Variants in GNA13 observed in about 807,000 individuals in gnomAD.
The protein encoded by GNA13 is guanine nucleotide-binding protein subunit alpha-13.
GNA13 carries 4 observed loss-of-function variants against 33.5 expected under a neutral mutation model. That is an observed-to-expected ratio of 0.12 (90% CI 0.06 to 0.27). The LOEUF is 0.27. Ranked by LOEUF, GNA13 falls within the 10% of genes least tolerant of loss-of-function variation. The probability of loss-of-function intolerance (pLI) is 1.00; values close to 1 mark genes in which losing one functional copy is unlikely to be tolerated. For synonymous variants in GNA13, 176 were observed against 183.8 expected, an observed-to-expected ratio of 0.96 and a Z score of 0.34; for missense variants, 319 against 487.2, an observed-to-expected ratio of 0.65 and a Z score of 3.25.
rs1052666659 is a variant in GNA13, at chr17:65,012,299, A to G, written c.*1958T>C. On this transcript the variant is annotated 3_prime_UTR_variant, in exon 4 of 4. Coordinates refer to ENST00000439174, the MANE Select transcript of GNA13 (RefSeq NM_006572.6). ...AAATGTTTTGGCCATTCAATTTGCT[A>G]AATGTATGGGTAAACTCTCCAATGA... is the stretch of plus-strand genomic sequence containing the variant. The G allele has an allele frequency of 1.3e-5, 3 of 223,538 alleles. No homozygotes were observed. Among genetic ancestry groups the G allele is most frequent in the African/African-American group, 6.7e-5 (3 of 44,848 alleles). 13.8% of individuals were successfully genotyped at this position (223,538 alleles called of 1,614,324 possible).
At position 65,009,791 on chromosome 17, in the gene GNA13, T is replaced by C. The variant is rs1443090479; in HGVS notation, c.*4466A>G. On this transcript the variant is annotated 3_prime_UTR_variant, in exon 4 of 4. Coordinates refer to ENST00000439174, the MANE Select transcript of GNA13 (RefSeq NM_006572.6). ...GCATAGTTTGTTGCACTGTTGCTTATACTGTGCAAGAATTAATCTCTACCC... is the reference window on the plus strand; with the variant it reads ...GCATAGTTTGTTGCACTGTTGCTTACACTGTGCAAGAATTAATCTCTACCC... Among the ~76,000 whole-genome samples, 4 of 152,260 alleles carry C rather than the reference T, an allele frequency of 2.6e-5. No homozygotes were observed. The highest frequency in any genetic ancestry group is 9.6e-5 in the African/African-American group (4 of 41,472).
intron 2 of GNA13, among the ~76,000 whole-genome samples, chr17:65,036,600 G>A (rs541082813): frequency 6.6e-5 from 10 of 152,354 alleles, no homozygotes; most frequent in African/African-American, 2.4e-4. Flanking sequence ...CAGCTACTCA[G>A]GAAGGTGAGG....
intron 2 of GNA13, among the ~76,000 whole-genome samples, chr17:65,022,627 G>A (rs1025726832): frequency 2.6e-5 from 4 of 152,020 alleles, no homozygotes; most frequent in Non-Finnish European, 4.4e-5. Context: ...GAAAAGCAAC[G>A]GTCATAAAAC....
intron 2 of GNA13, among the ~76,000 whole-genome samples, chr17:65,038,328 C>T (rs887187531): frequency 1.3e-5 from 2 of 151,742 alleles, no homozygotes; most frequent in African/African-American, 2.4e-5. Flanking sequence ...GCTTGAAGCT[C>T]GGAGGCGGAG....
chr17:65,039,534 T>G (rs1240031321), intron 2 of GNA13, among the ~76,000 whole-genome samples: 1 of 152,208 alleles, frequency 6.6e-6, no homozygotes, highest in Admixed American at 6.5e-5. Context: ...GATCACGTTT[T>G]CTGACCAGCA....
intron 1 of GNA13, among the ~76,000 whole-genome samples, chr17:65,054,011 A>C (rs568863686): frequency 6.6e-6 from 1 of 152,340 alleles, no homozygotes; most frequent in South Asian, 2.1e-4. Flanking sequence ...AACTTCTAGG[A>C]TAGAAGGTAG....
intron 2 of GNA13, among the ~76,000 whole-genome samples, chr17:65,027,527 T>C (rs1906837558): frequency 6.6e-6 from 1 of 152,140 alleles, no homozygotes; most frequent in African/African-American, 2.4e-5. Context: ...ATGGCATGAG[T>C]CATTTTCTAC....
intron 1 of GNA13, among the ~76,000 whole-genome samples, chr17:65,054,711 TACA>T (rs2143835178): frequency 6.6e-6 from 1 of 152,308 alleles, no homozygotes; most frequent in African/African-American, 2.4e-5. Context: ...AGATCACACT[TACA>T]ACTCAGTGTA....
At chr17:65,051,376 G>A (rs1017805993) in intron 2 of GNA13, among the ~76,000 whole-genome samples, 1 of 152,202 alleles carries the variant, frequency 6.6e-6, no homozygotes, top group African/African-American at 2.4e-5. Flanking sequence ...AGCACTTTGG[G>A]AGGGCAAGGC....
At chr17:65,026,453 A>G (rs1906788077) in intron 2 of GNA13, among the ~76,000 whole-genome samples, 1 of 152,236 alleles carries the variant, frequency 6.6e-6, no homozygotes, top group African/African-American at 2.4e-5. Flanking sequence ...AAAAACAAAA[A>G]CAAAACAGTA....
At position 65,010,986 on chromosome 17, in the gene GNA13, T is replaced by C. The variant is rs1165079746; in HGVS notation, c.*3271A>G. On this transcript the variant is annotated 3_prime_UTR_variant, in exon 4 of 4. Transcript: ENST00000439174. ...TTTAGGACATAACAGTGTAACATGG[T>C]AACTTTATTCTTCATATATAAATAA... 1.5e-5 allele frequency: 3 copies of C among 196,798 alleles called. No individual in the cohort carries two copies. The highest frequency in any genetic ancestry group is 3.2e-5 in the Non-Finnish European group (3 of 94,942). 12.2% of individuals were successfully genotyped at this position (196,798 alleles called of 1,614,324 possible).
chr17:65,033,109 T>TA lies in GNA13; in HGVS notation c.511-14807dup, dbSNP rs775193494. ...CTGGGCAACAGAGCGAGACTCCATTTAAAAAAAAAAAAAAATCACAGTACT... is the reference window on the plus strand; with the variant it reads ...CTGGGCAACAGAGCGAGACTCCATTTAAAAAAAAAAAAAAAATCACAGTACT... On this transcript the variant is annotated intron_variant, in intron 2 of 3. Transcript: ENST00000439174. Among the ~76,000 whole-genome samples, 741 of 142,914 alleles carry TA rather than the reference T, an allele frequency of 5.2e-3. 8 individuals are homozygous for TA. The highest frequency in any genetic ancestry group is 0.011 in the African/African-American group (442 of 38,924). The allele number at this position is 142,914 out of a possible 152,430, so 93.8% of individuals were successfully genotyped here.
intron 2 of GNA13, among the ~76,000 whole-genome samples, chr17:65,047,568 CA>C (rs1194204785): frequency 6.6e-6 from 1 of 151,980 alleles, no homozygotes; most frequent in Non-Finnish European, 1.5e-5. Context: ...ACCAATCATC[CA>C]AAAGAAACAT....
chr17:65,050,641 A>C (rs551291449), intron 2 of GNA13, among the ~76,000 whole-genome samples: 1 of 152,304 alleles, frequency 6.6e-6, no homozygotes. Flanking sequence ...CTGAAGCTGG[A>C]GAATCACTTG....
At chr17:65,043,105 G>C (rs1598496119) in intron 2 of GNA13, among the ~76,000 whole-genome samples, 1 of 152,084 alleles carries the variant, frequency 6.6e-6, no homozygotes, top group African/African-American at 2.4e-5. Flanking sequence ...GAAATTCAGA[G>C]GCCGAAGGAC....
At chr17:65,042,935 T>C (rs1907514624) in intron 2 of GNA13, among the ~76,000 whole-genome samples, 1 of 152,152 alleles carries the variant, frequency 6.6e-6, no homozygotes, top group South Asian at 2.1e-4. Flanking sequence ...GCTACTTAGG[T>C]GCATAAAGCC....
chr17:65,014,502 C>G lies in GNA13; in HGVS notation c.889G>C (p.Glu297Gln). The G allele has an allele frequency of 3.1e-6, 5 of 1,613,794 alleles. No individual in the cohort carries two copies. Among genetic ancestry groups the G allele is most frequent in the African/African-American group, 1.3e-5 (1 of 75,026 alleles). The change falls in exon 4 of 4, where the codon GAG (glutamate) becomes CAG (glutamine). Residue 297 changes from glutamate (E) to glutamine (Q), a missense_variant. Physicochemically the swap from Glu to Gln is conservative, Grantham distance 29 (BLOSUM62 2). This residue lies in a region of GNA13 where 134 missense variants were observed against 241.3 expected (regional missense o/e 0.56). Coordinates refer to ENST00000439174, the MANE Select transcript of GNA13 (RefSeq NM_006572.6). This position sits in a 1 kb window ranked among gnomAD's most constrained non-coding sequence, Gnocchi z 5.3. ...ILFLNKTDLL[E>Q]EKVQIVSIKD... ...ATGCTCACAATTTGCACCTTCTCCT[C>G]AAGCAAGTCTGTCTTGTTTAAGAAC...
rs1907386030 is a variant in GNA13 at position 65,039,678 on chromosome 17, T to TCATTGTTTCTC, written c.510+13813_510+13823dup. Among the ~76,000 whole-genome samples, 3 of 152,352 alleles carry TCATTGTTTCTC rather than the reference T, an allele frequency of 2.0e-5. No homozygotes were observed. The South Asian group carries it at 6.2e-4, about 32-fold the overall frequency. On this transcript the variant is annotated intron_variant, in intron 2 of 3. Coordinates refer to ENST00000439174, the MANE Select transcript of GNA13 (RefSeq NM_006572.6). The stretch of plus-strand genomic sequence containing the variant: ...CTCCTCAGACCATCCTCTTGGTCTC[T>TCATTGTTTCTC]CATTGTTTCTCTTCCTTCGCAGCAT...
intron 1 of GNA13, 26 bp downstream of exon 1, chr17:65,056,285 C>A (rs542536309): frequency 1.3e-6 from 2 of 1,568,666 alleles, no homozygotes; most frequent in African/African-American, 2.7e-5. Context: ...GCCCTTAACC[C>A]CCGGCCCCCA....
Sources: gnomAD v4.1 joint callset for allele counts (sites outside exome capture counted in the v4.1 genomes callset) on GRCh38, gnomAD v4.1.1 for gene constraint, gnomAD v4.1.1 regional missense constraint, Gnocchi (gnomAD v3.1) non-coding constraint, MANE v1.5 for transcripts, NCBI Gene and HGNC (gene_info 2026-07-23, HGNC 2026-07-21) for gene names.